Variants in PRMT8 observed in about 807,000 individuals in gnomAD.
The protein encoded by PRMT8 is protein arginine methyltransferase 8, also known as protein arginine N-methyltransferase 8.
Under a neutral mutation model 47.1 loss-of-function variants are expected in PRMT8, and 7 were observed. The ratio of observed to expected loss-of-function variants is 0.15; its 90% CI spans 0.08 to 0.28. The LOEUF is 0.28. Ranked by LOEUF, PRMT8 falls within the 10% of genes least tolerant of loss-of-function variation. The pLI is 1.00. For synonymous variants in PRMT8, 188 were observed against 186.5 expected, an observed-to-expected ratio of 1.01 and a Z score of -0.07; for missense variants, 237 against 505.4, an observed-to-expected ratio of 0.47 and a Z score of 5.09.
rs556941986 is a variant in PRMT8 at position 3,557,994 on chromosome 12, C to G, written c.481+4280C>G. Among the ~76,000 whole-genome samples the G allele has an allele frequency of 4.6e-5, 7 of 152,282 alleles. No homozygotes were observed. The East Asian group carries it at 1.4e-3, about 29-fold the overall frequency. ...CCAGCCCCTGACTCTTCGTCTCCCTCTCAGTGCCAGCCCACCCCCAGTAAA... is the reference window on the plus strand; with the variant it reads ...CCAGCCCCTGACTCTTCGTCTCCCTGTCAGTGCCAGCCCACCCCCAGTAAA... On this transcript the variant is annotated intron_variant, in intron 4 of 9. Transcript: ENST00000382622. The surrounding 1 kb of genome is among the most constrained non-coding windows in gnomAD (Gnocchi z 4.7).
intron 1 of PRMT8, among the ~76,000 whole-genome samples, chr12:3,520,020 T>A (rs16930555): frequency 0.025 from 3,801 of 152,220 alleles, 60 homozygotes; most frequent in Middle Eastern, 0.099. Context: ...AATAGAGAGA[T>A]CTCATGCTGG....
Position 3,538,377 on chromosome 12 carries a change from G to A in PRMT8, c.76-2229G>A, listed in dbSNP as rs1370790101. 1 of 299,944 alleles carries A rather than the reference G, an allele frequency of 3.3e-6. No homozygotes were observed. The highest frequency in any genetic ancestry group is 4.1e-5 in the Admixed American group (1 of 24,552). 18.6% of individuals were successfully genotyped at this position (299,944 alleles called of 1,614,324 possible). A position where few individuals can be genotyped will look rare whatever the true frequency, so the allele number is the denominator to read the frequency against. ...TCTATTTCTTCCACAGGACCTGCAC[G>A]CTGCCTTGCTGTTGGAGATCTGTGC... is the stretch of plus-strand genomic sequence containing the variant. On this transcript the variant is annotated intron_variant, in intron 1 of 9. Coordinates refer to ENST00000382622, the MANE Select transcript of PRMT8 (RefSeq NM_019854.5). This position sits in a 1 kb window ranked among gnomAD's most constrained non-coding sequence, Gnocchi z 4.6.
At chr12:3,469,135 T>C (rs912601264) in intron 1 of PRMT8, 10 of 496,448 alleles carry the variant, frequency 2.0e-5, no homozygotes, top group African/African-American at 1.4e-4. Flanking sequence ...TCCATGCCTA[T>C]GTGCTTCCCA....
Position 3,566,411 on chromosome 12 carries a change from T to C in PRMT8, c.482-2295T>C, listed in dbSNP as rs1037810561. 2.0e-5 allele frequency among the ~76,000 whole-genome samples: 3 copies of C among 152,170 alleles called. No individual in the cohort carries two copies. The highest frequency in any genetic ancestry group is 4.8e-5 in the African/African-American group (2 of 41,448). ...GGAGAATAGCTCTTCCTGCTCATAC[T>C]TTTTAATGGTAGGGGCTTTTGAGCA... On this transcript the variant is annotated intron_variant, in intron 4 of 9. Transcript: ENST00000382622. This position sits in a 1 kb window ranked among gnomAD's most constrained non-coding sequence, Gnocchi z 4.7.
intron 1 of PRMT8, 66 bp downstream of exon 1, chr12:3,491,766 C>T: frequency 6.4e-7 from 1 of 1,554,538 alleles, no homozygotes; most frequent in East Asian, 2.3e-5. Context: ...CGCGCCGCCG[C>T]CGCCGCTCAG....
At chr12:3,568,353 A>T (rs1866769349) in intron 4 of PRMT8, among the ~76,000 whole-genome samples, 1 of 151,034 alleles carries the variant, frequency 6.6e-6, no homozygotes, top group Non-Finnish European at 1.5e-5. Context: ...TAAATAAAAA[A>T]AAAAAATCTG....
At chr12:3,394,670 C>A (rs368882397) in intron 1 of PRMT8, among the ~76,000 whole-genome samples, 1 of 151,990 alleles carries the variant, frequency 6.6e-6, no homozygotes, top group Non-Finnish European at 1.5e-5. Context: ...GTCTAAAATT[C>A]TCTTTTTTGG....
chr12:3,478,577 G>C (rs1865241767), intron 1 of PRMT8, among the ~76,000 whole-genome samples: 1 of 152,186 alleles, frequency 6.6e-6, no homozygotes, highest in African/African-American at 2.4e-5. Context: ...TGCTTCTAAG[G>C]CAGCAGAGGA....
In PRMT8 at chr12:3,552,928, C is replaced by T. The variant is rs1866450794; in HGVS notation, c.418-723C>T. 5.5e-6 allele frequency: 2 copies of T among 362,942 alleles called. No individual in the cohort carries two copies. Among genetic ancestry groups the T allele is most frequent in the Non-Finnish European group, 1.1e-5 (2 of 181,510 alleles). The allele number at this position is 362,942 out of a possible 1,614,324, so 22.5% of individuals were successfully genotyped here. ...GCTCTTGGCAGCTGCCCCTCCATGT[C>T]CAGAACCCCTGGCAGTGTGCCTGAG... On this transcript the variant is annotated intron_variant, in intron 3 of 9. Coordinates refer to ENST00000382622, the MANE Select transcript of PRMT8 (RefSeq NM_019854.5). The surrounding 1 kb of genome is among the most constrained non-coding windows in gnomAD (Gnocchi z 4.5).
intron 1 of PRMT8, among the ~76,000 whole-genome samples, chr12:3,526,710 T>C (rs1354153302): frequency 2.6e-5 from 4 of 152,208 alleles, no homozygotes; most frequent in African/African-American, 9.6e-5. Context: ...TGTTATGTCC[T>C]CTTGATTGAC....
At chr12:3,527,601 C>T (rs937690870) in intron 1 of PRMT8, among the ~76,000 whole-genome samples, 3 of 152,124 alleles carry the variant, frequency 2.0e-5, no homozygotes, top group South Asian at 2.1e-4. Flanking sequence ...CATTCCTCCC[C>T]TTTTGGCCTT....
At chr12:3,592,780 A>T (rs1338192028) in intron 9 of PRMT8, among the ~76,000 whole-genome samples, 1 of 152,202 alleles carries the variant, frequency 6.6e-6, no homozygotes, top group South Asian at 2.1e-4. Context: ...ATGAGCGCTA[A>T]AAACGTCTGC....
At chr12:3,590,113 C>T (rs1867267146) in intron 8 of PRMT8, among the ~76,000 whole-genome samples, 2 of 152,220 alleles carry the variant, frequency 1.3e-5, no homozygotes, top group South Asian at 4.1e-4. Flanking sequence ...GTTCAGGAAC[C>T]CAGGCAGGGT....
At chr12:3,400,025 A>C (rs957906386) in intron 1 of PRMT8, among the ~76,000 whole-genome samples, 2 of 152,200 alleles carry the variant, frequency 1.3e-5, no homozygotes, top group African/African-American at 4.8e-5. Flanking sequence ...ATCTAGGAGG[A>C]AATTTATAGC....
chr12:3,564,017 C>T lies in PRMT8; in HGVS notation c.482-4689C>T, dbSNP rs1307100602. On this transcript the variant is annotated intron_variant, in intron 4 of 9. Transcript: ENST00000382622. The surrounding 1 kb of genome is among the most constrained non-coding windows in gnomAD (Gnocchi z 4.0). ...AATGTTTGTGAGGAGTCAAATGCTC[C>T]GCTATATCCTGGAAATAGGAAGCTA... Among the ~76,000 whole-genome samples, 4 of 152,018 alleles carry T rather than the reference C, an allele frequency of 2.6e-5. No homozygotes were observed. The highest frequency in any genetic ancestry group is 3.9e-4 in the East Asian group (2 of 5,190).
intron 1 of PRMT8, among the ~76,000 whole-genome samples, chr12:3,465,206 T>TTATATATATTTTATAAATATAAAA (rs1446063103): frequency 6.9e-6 from 1 of 144,254 alleles, no homozygotes; most frequent in Non-Finnish European, 1.5e-5. Context: ...AAATATATTT[T>TTATATATATTTTATAAATATAAAA]TATATATATT....
At chr12:3,555,518 A>G (rs1866511129) in intron 4 of PRMT8, among the ~76,000 whole-genome samples, 1 of 152,236 alleles carries the variant, frequency 6.6e-6, no homozygotes, top group Admixed American at 6.5e-5. Flanking sequence ...GGAGGGGACC[A>G]GATCACACAG....
intron 1 of PRMT8, among the ~76,000 whole-genome samples, chr12:3,476,638 A>T (rs1298800908): frequency 6.6e-6 from 1 of 152,130 alleles, no homozygotes; most frequent in Non-Finnish European, 1.5e-5. Flanking sequence ...GGTGGACTGG[A>T]TGAGTCATTG....
In PRMT8 at chr12:3,593,904, C is replaced by T. The variant is rs1455985876; in HGVS notation, c.*722C>T. ...TAGTTCTGGTCTCCTTTTGACTGGA[C>T]TGTGGCTCTGAACCTTGAGCATAGT... On this transcript the variant is annotated 3_prime_UTR_variant, in exon 10 of 10. Coordinates refer to ENST00000382622, the MANE Select transcript of PRMT8 (RefSeq NM_019854.5). This position sits in a 1 kb window ranked among gnomAD's most constrained non-coding sequence, Gnocchi z 4.8. 6.5e-6 allele frequency: 1 copy of T among 152,894 alleles called. No homozygotes were observed. Among genetic ancestry groups the T allele is most frequent in the East Asian group, 1.9e-4 (1 of 5,196 alleles). 9.5% of individuals were successfully genotyped at this position (152,894 alleles called of 1,614,324 possible).
Sources: allele counts gnomAD v4.1 joint callset (sites outside exome capture counted in the v4.1 genomes callset), GRCh38; gene constraint gnomAD v4.1.1; non-coding constraint Gnocchi (gnomAD v3.1); transcripts MANE v1.5; gene names NCBI Gene and HGNC (gene_info 2026-07-23, HGNC 2026-07-21).